Variants in SPMIP2 observed in about 807,000 individuals in gnomAD.
SPMIP2 encodes the protein protein SPMIP2.
the SPMIP2 span, among the ~76,000 whole-genome samples, chr4:158,971,943 G>T: frequency 6.6e-6 from 1 of 152,160 alleles, no homozygotes; most frequent in Non-Finnish European, 1.5e-5. Context: ...TAGAAGAGGC[G>T]CAAACAAAGA....
the SPMIP2 span, among the ~76,000 whole-genome samples, chr4:158,952,155 A>G: frequency 6.6e-6 from 1 of 152,178 alleles, no homozygotes; most frequent in Admixed American, 6.5e-5. Context: ...AAAGGAAGTA[A>G]AATTTACCAA....
the SPMIP2 span, chr4:159,064,366 C>G: frequency 1.3e-5 from 2 of 152,122 alleles, no homozygotes; most frequent in African/African-American, 4.8e-5. Flanking sequence ...TATGAACAAT[C>G]AGTTGACATA....
At chr4:158,992,408 T>C in the SPMIP2 span, among the ~76,000 whole-genome samples, 95,730 of 152,052 alleles carry the variant, frequency 0.63, 30,490 homozygotes, top group Middle Eastern at 0.71. Context: ...TCAGTGTTCC[T>C]CAAAATGATT....
At chr4:158,902,415 C>G in the SPMIP2 span, among the ~76,000 whole-genome samples, 1 of 152,220 alleles carries the variant, frequency 6.6e-6, no homozygotes, top group African/African-American at 2.4e-5. Flanking sequence ...GTATGAGGTT[C>G]TGTCGGCCCC....
the SPMIP2 span, among the ~76,000 whole-genome samples, chr4:158,931,793 C>T: frequency 1.3e-5 from 2 of 152,032 alleles, no homozygotes; most frequent in African/African-American, 4.8e-5. Context: ...AAACTCTTGA[C>T]CTCAAGTGAT....
the SPMIP2 span, among the ~76,000 whole-genome samples, chr4:158,964,991 G>C: frequency 1.3e-5 from 2 of 152,158 alleles, no homozygotes; most frequent in Non-Finnish European, 2.9e-5. Flanking sequence ...AATTCTACAT[G>C]AGATTTGGAT....
the SPMIP2 span, among the ~76,000 whole-genome samples, chr4:158,911,828 C>T: frequency 1.3e-5 from 2 of 152,220 alleles, no homozygotes; most frequent in South Asian, 2.1e-4. Context: ...GTATCAGTCA[C>T]TGAGACTGAA....
the SPMIP2 span, among the ~76,000 whole-genome samples, chr4:159,001,150 C>T: frequency 6.6e-6 from 1 of 152,194 alleles, no homozygotes; most frequent in African/African-American, 2.4e-5. Flanking sequence ...TTCTCCACAT[C>T]TTTGCCAACA....
At chr4:158,895,660 GTTAGAAATGAA>G in the SPMIP2 span, 1 of 791,534 alleles carries the variant, frequency 1.3e-6, no homozygotes, top group African/African-American at 1.7e-5. Context: ...AAGCTGTGTA[GTTAGAAATGAA>G]TTAAGAAAAT....
chr4:158,984,501 T>G, the SPMIP2 span, among the ~76,000 whole-genome samples: 1 of 151,234 alleles, frequency 6.6e-6, no homozygotes, highest in East Asian at 1.9e-4. Flanking sequence ...CTCAACTACA[T>G]GGAAACTGAA....
the SPMIP2 span, among the ~76,000 whole-genome samples, chr4:158,908,918 C>T: frequency 6.6e-6 from 1 of 152,100 alleles, no homozygotes; most frequent in Non-Finnish European, 1.5e-5. Context: ...GAACTCCTGA[C>T]CTCAGGAGAT....
the SPMIP2 span, among the ~76,000 whole-genome samples, chr4:158,900,964 G>A: frequency 6.6e-6 from 1 of 152,046 alleles, no homozygotes; most frequent in African/African-American, 2.4e-5. Context: ...TTTTTGCAGT[G>A]GCTGGTACCG....
the SPMIP2 span, among the ~76,000 whole-genome samples, chr4:159,081,457 A>AG: frequency 6.6e-6 from 1 of 152,070 alleles, no homozygotes; most frequent in African/African-American, 2.4e-5. Flanking sequence ...TTGGGACTGC[A>AG]GGCAGGAGGA....
At chr4:159,007,494 A>G in the SPMIP2 span, 1 of 762,192 alleles carries the variant, frequency 1.3e-6, no homozygotes, top group Non-Finnish European at 2.3e-6. Flanking sequence ...ACAGGGATCC[A>G]GCACCTGATC....
chr4:158,976,659 ATTTT>A, the SPMIP2 span, among the ~76,000 whole-genome samples: 84 of 94,718 alleles, frequency 8.9e-4, no homozygotes, highest in South Asian at 3.7e-3. Flanking sequence ...ATGGATAAGC[ATTTT>A]TTTTTTTTTT....
the SPMIP2 span, among the ~76,000 whole-genome samples, chr4:158,945,280 T>C: frequency 6.6e-6 from 1 of 152,164 alleles, no homozygotes; most frequent in Non-Finnish European, 1.5e-5. Flanking sequence ...ATCCGTGTTC[T>C]GGGTGACATG....
chr4:159,023,657 G>C, the SPMIP2 span, among the ~76,000 whole-genome samples: 12 of 152,324 alleles, frequency 7.9e-5, no homozygotes, highest in African/African-American at 2.9e-4. Flanking sequence ...CAGACAGAAT[G>C]TTCACAAAGA....
chr4:159,017,108 ATGT>A, the SPMIP2 span, among the ~76,000 whole-genome samples: 4 of 152,164 alleles, frequency 2.6e-5, no homozygotes, highest in African/African-American at 9.7e-5. Context: ...TAGTAGAGAA[ATGT>A]TAGATGGGAA....
At chr4:158,921,366 C>T in the SPMIP2 span, among the ~76,000 whole-genome samples, 738 of 152,084 alleles carry the variant, frequency 4.9e-3, 4 homozygotes, top group African/African-American at 0.016. Context: ...TGCTTGAACC[C>T]GGGAGGCAGA....
Sources: allele counts gnomAD v4.1 joint callset (sites outside exome capture counted in the v4.1 genomes callset), GRCh38; gene constraint gnomAD v4.1.1; transcripts MANE v1.5; gene names NCBI Gene and HGNC (gene_info 2026-07-23, HGNC 2026-07-21).